The following TRAF7 variants were observed in gnomAD, a reference collection of about 807,000 sequenced individuals.
TRAF7 encodes E3 ubiquitin-protein ligase TRAF7.
TRAF7 carries 45 observed loss-of-function variants against 89.3 expected under a neutral mutation model. The ratio of observed to expected loss-of-function variants is 0.50; its 90% confidence interval spans 0.40 to 0.65. The LOEUF is 0.65. TRAF7 is among the 30% of genes least tolerant of loss of function. The pLI is 0.00. For synonymous variants in TRAF7, 406 were observed against 369.2 expected (o/e 1.10, Z -1.14); for missense variants, 677 against 918.1 (o/e 0.74, Z 3.39).
At chr16:2,164,716 C>T (rs1349865334) in intron 2 of TRAF7, among the ~76,000 whole-genome samples, 71 of 74,864 alleles carry the variant, frequency 9.5e-4, no homozygotes, top group Admixed American at 1.6e-3. Context: ...CTGCGTGGCG[C>T]GGCCTGGTCG....
In TRAF7 at chr16:2,172,372, G is replaced by A; in HGVS notation, c.657G>A (p.Arg219=). The A allele has an allele frequency of 6.2e-7, 1 of 1,611,766 alleles. No individual in the cohort carries two copies. Among genetic ancestry groups the A allele is most frequent in the Non-Finnish European group, 8.5e-7 (1 of 1,179,466 alleles). ...CCTTCACCATCAAGCTCAGCGCCCG[G>A]AAGTAAGTGCCCCTCCCTGGGCACC... ...GCPFTIKLSA[R]KDHEGSCDYR... Residue 219 remains arginine, a splice_region_variant and synonymous_variant, in exon 8 of 21, where the codon CGG becomes CGA. Coordinates refer to ENST00000326181, the MANE Select transcript of TRAF7 (RefSeq NM_032271.3).
At chr16:2,167,435 T>C (rs894130100) in intron 3 of TRAF7, among the ~76,000 whole-genome samples, 1 of 152,214 alleles carries the variant, frequency 6.6e-6, no homozygotes, top group Non-Finnish European at 1.5e-5. Context: ...CCGGTAGCCC[T>C]GCCCTCTGGC....
chr16:2,164,173 C>CGCACGCGTGCGT (rs2093070579), intron 2 of TRAF7, among the ~76,000 whole-genome samples, 172 bp downstream of exon 2: 1 of 121,458 alleles, frequency 8.2e-6, no homozygotes, highest in Non-Finnish European at 1.7e-5. Flanking sequence ...CGCGCGCGCG[C>CGCACGCGTGCGT]GCGCGCGCAC....
rs2093061612 is a variant in TRAF7 at position 2,162,394 on chromosome 16, G to A, written c.-38-1489G>A. On this transcript the variant is annotated intron_variant, in intron 1 of 20. Transcript: ENST00000326181. This position sits in a 1 kb window ranked among gnomAD's most constrained non-coding sequence, Gnocchi z 5.0. Reference sequence around the variant, plus strand: ...GTGGGCACGGTGGTGGGTGATGAGTGGCATCTTGAAGGCGCATGCAGGGCG... The same window carrying A: ...GTGGGCACGGTGGTGGGTGATGAGTAGCATCTTGAAGGCGCATGCAGGGCG... 6.6e-6 allele frequency among the ~76,000 whole-genome samples: 1 copy of A among 152,106 alleles called. No homozygotes were observed. Among genetic ancestry groups the A allele is most frequent in the South Asian group, 2.1e-4 (1 of 4,836 alleles).
In TRAF7 at chr16:2,173,223, T is replaced by C; in HGVS notation, c.836T>C (p.Leu279Pro). The C allele has an allele frequency of 6.2e-7, 1 of 1,612,474 alleles. No individual in the cohort carries two copies. The highest frequency in any genetic ancestry group is 8.5e-7 in the Non-Finnish European group (1 of 1,179,728). ...AACCAGGACACTTACGAGACCCACC[T>C]GGAGACTTGCCGCTTCGAGGGCCTG... The part of the protein sequence containing the change: ...IGNQDTYETH[L>P]ETCRFEGLKE... Residue 279 changes from leucine (L) to proline (P), a missense_variant, in exon 10 of 21, where the codon CTG (leucine) becomes CCG (proline). Transcript: ENST00000326181.
At chr16:2,170,495 G>A in intron 4 of TRAF7, 119 bp from the exon 5 acceptor site, 1 of 706,748 alleles carries the variant, frequency 1.4e-6, no homozygotes, top group Middle Eastern at 3.8e-4. Context: ...GTACCCGCAG[G>A]GACCGGGGTG....
chr16:2,174,983 A>G, intron 14 of TRAF7, 128 bp from the exon 15 acceptor site: 2 of 1,145,796 alleles, frequency 1.7e-6, no homozygotes, highest in South Asian at 2.6e-5. Flanking sequence ...TTAAGGACAC[A>G]GCAGTGGCCT....
At chr16:2,164,615 G>A (rs1332333542) in intron 2 of TRAF7, among the ~76,000 whole-genome samples, 12 of 138,436 alleles carry the variant, frequency 8.7e-5, no homozygotes, top group South Asian at 7.1e-4. Context: ...ATGGTTAAGC[G>A]TGTTAGTGCT....
Position 2,161,577 on chromosome 16 carries a change from G to A in TRAF7, c.-38-2306G>A, listed in dbSNP as rs1436419221. Among the ~76,000 whole-genome samples the A allele has an allele frequency of 6.6e-6, 1 of 152,156 alleles. No individual in the cohort carries two copies. Among genetic ancestry groups the A allele is most frequent in the African/African-American group, 2.4e-5 (1 of 41,448 alleles). ...GGCCCTGGGGCCCCGGAAGCTTGCA[G>A]TACAGGGAGCTGATGGGTTTGTAAA... is the stretch of plus-strand genomic sequence containing the variant. On this transcript the variant is annotated intron_variant, in intron 1 of 20. Transcript: ENST00000326181. The surrounding 1 kb of genome is among the most constrained non-coding windows in gnomAD (Gnocchi z 5.2).
At position 2,175,852 on chromosome 16, in the gene TRAF7, C is replaced by T. The variant is rs1257519678; in HGVS notation, c.1645C>T (p.Leu549Phe). 1 of 1,613,546 alleles carries T rather than the reference C, an allele frequency of 6.2e-7. No homozygotes were observed. The change falls in exon 18 of 21, where the codon CTT (leucine) becomes TTT (phenylalanine). Residue 549 changes from leucine (L) to phenylalanine (F), a missense_variant. Coordinates refer to ENST00000326181, the MANE Select transcript of TRAF7 (RefSeq NM_032271.3). ...QTIKIWDIRT[L>F]DCIHVLQTSG... ...CTCATAGATCTGGGACATCCGAACCCTTGACTGCATCCACGTCCTGCAGAC... is the reference window on the plus strand; with the variant it reads ...CTCATAGATCTGGGACATCCGAACCTTTGACTGCATCCACGTCCTGCAGAC...
rs982174161 is a variant in TRAF7 at position 2,177,866 on chromosome 16, G to A, written c.*1292G>A. 21 of 286,306 alleles carry A rather than the reference G, an allele frequency of 7.3e-5. No individual in the cohort carries two copies. In the East Asian group the frequency reaches 1.2e-3, roughly 17 times the overall value. 17.7% of individuals were successfully genotyped at this position (286,306 alleles called of 1,614,324 possible). A position where few individuals can be genotyped will look rare whatever the true frequency, so the allele number is the denominator to read the frequency against. On this transcript the variant is annotated 3_prime_UTR_variant, in exon 21 of 21. Coordinates refer to ENST00000326181, the MANE Select transcript of TRAF7 (RefSeq NM_032271.3). ...CGGAGGAGCCCCCGGCAGAGCACCC[G>A]CCCCCGGGCCCCAGCCTTCCACCTG...
rs2093149100 is a variant in TRAF7, at chr16:2,178,120, T to C, written c.*1546T>C. The stretch of plus-strand genomic sequence containing the variant: ...CTCATTCCCAATAAATTAATACTCT[T>C]GATAGCTTATATTCTGGGGGTGCGG... On this transcript the variant is annotated 3_prime_UTR_variant, in exon 21 of 21. Transcript: ENST00000326181. The C allele has an allele frequency of 9.9e-6, 5 of 505,468 alleles. No individual in the cohort carries two copies. The highest frequency in any genetic ancestry group is 7.9e-5 in the South Asian group (5 of 63,410). 31.3% of individuals were successfully genotyped at this position (505,468 alleles called of 1,614,324 possible).
intron 1 of TRAF7, among the ~76,000 whole-genome samples, chr16:2,160,807 C>A (rs959908814): frequency 6.6e-6 from 1 of 152,086 alleles, no homozygotes; most frequent in African/African-American, 2.4e-5. Context: ...GGCCACCCCC[C>A]AGCCTCGATG....
At chr16:2,160,980 G>C (rs1009296064) in intron 1 of TRAF7, among the ~76,000 whole-genome samples, 2 of 152,066 alleles carry the variant, frequency 1.3e-5, no homozygotes, top group African/African-American at 4.8e-5. Context: ...CAGTCCCTGG[G>C]GACTGGGCTG....
chr16:2,171,369 C>G lies in TRAF7; in HGVS notation c.441+13C>G. The stretch of plus-strand genomic sequence containing the variant: ...CACCACGTGTGGGGTGAGCCCGCCG[C>G]CCTTCCCAGCCCCCCTGCTGCCAGA... On this transcript the variant is annotated intron_variant, in intron 6 of 20. Transcript: ENST00000326181. 2 of 1,545,926 alleles carry G rather than the reference C, an allele frequency of 1.3e-6. No individual in the cohort carries two copies. Among genetic ancestry groups the G allele is most frequent in the Non-Finnish European group, 1.7e-6 (2 of 1,142,926 alleles).
intron 4 of TRAF7, among the ~76,000 whole-genome samples, chr16:2,169,607 G>C (rs2093100037): frequency 6.6e-6 from 1 of 152,178 alleles, no homozygotes; most frequent in South Asian, 2.1e-4. Flanking sequence ...AGACTCTGGG[G>C]TAGTATTGGG....
chr16:2,166,038 G>A lies in TRAF7; in HGVS notation c.139+102G>A, dbSNP rs139835910. On this transcript the variant is annotated intron_variant, in intron 3 of 20. Coordinates refer to ENST00000326181, the MANE Select transcript of TRAF7 (RefSeq NM_032271.3). ...GGACACTTCCCGGTGAGCTGGTGTT[G>A]GGTGCCAGTGCTGGGCGCGGGCAGC... 941 of 1,473,464 alleles carry A rather than the reference G, an allele frequency of 6.4e-4. 4 individuals are homozygous for A. The African/African-American group carries it at 0.01, about 16-fold the overall frequency. The allele number at this position is 1,473,464 out of a possible 1,614,324, so 91.3% of individuals were successfully genotyped here.
chr16:2,175,655 C>A (rs775198090), intron 17 of TRAF7, 33 bp downstream of exon 17: 1 of 1,603,988 alleles, frequency 6.2e-7, no homozygotes, highest in Non-Finnish European at 8.5e-7. Flanking sequence ...GCCACAGGGC[C>A]TTGCCTCCTA....
In TRAF7 at chr16:2,157,513, G is replaced by A. The variant is rs192292934; in HGVS notation, c.-39+1655G>A. 3.8e-3 allele frequency among the ~76,000 whole-genome samples: 576 copies of A among 152,298 alleles called. 5 individuals are homozygous for A. Among genetic ancestry groups the A allele is most frequent in the Non-Finnish European group, 2.4e-3 (162 of 68,020 alleles). ...CGATTGGTGGGGCTCCTGCCCCTCTGTCTGCCTGTGTCCCCCACAAGGCTC... is the reference window on the plus strand; with the variant it reads ...CGATTGGTGGGGCTCCTGCCCCTCTATCTGCCTGTGTCCCCCACAAGGCTC... On this transcript the variant is annotated intron_variant, in intron 1 of 20. Transcript: ENST00000326181.
Sources: allele counts gnomAD v4.1 joint callset (sites outside exome capture counted in the v4.1 genomes callset), GRCh38; gene constraint gnomAD v4.1.1; non-coding constraint Gnocchi (gnomAD v3.1); transcripts MANE v1.5; gene names NCBI Gene and HGNC (gene_info 2026-07-23, HGNC 2026-07-21).